Variants in RIN3 observed in about 807,000 individuals in gnomAD.
The protein encoded by RIN3 is Ras and Rab interactor 3.
In RIN3, 54 loss-of-function variants were observed where a neutral mutation model predicts 76.3. The ratio of observed to expected loss-of-function variants is 0.71; its 90% CI spans 0.57 to 0.89. The LOEUF (loss-of-function observed/expected upper bound fraction) is 0.89. RIN3 is among the 40% of genes least tolerant of loss of function. The probability of loss-of-function intolerance (pLI) is 0.00; values close to 1 mark genes in which losing one functional copy is unlikely to be tolerated. For synonymous variants in RIN3, 576 were observed against 564.0 expected (o/e 1.02, Z -0.30); for missense variants, 1,256 against 1,322.1 (o/e 0.95, Z 0.78).
At chr14:92,655,354 GAAAGAGAC>G (rs1887629642) in intron 6 of RIN3, among the ~76,000 whole-genome samples, 1 of 152,118 alleles carries the variant, frequency 6.6e-6, no homozygotes, top group Non-Finnish European at 1.5e-5. Context: ...TCTCAAGAAG[GAAAGAGAC>G]AGAGAGACAG....
intron 5 of RIN3, among the ~76,000 whole-genome samples, chr14:92,647,598 AC>A (rs1271424557): frequency 6.6e-6 from 1 of 152,192 alleles, no homozygotes; most frequent in East Asian, 1.9e-4. Context: ...TGAAAACTTG[AC>A]TTTGACTGAC....
chr14:92,622,452 A>C (rs979906350), intron 4 of RIN3, among the ~76,000 whole-genome samples: 1 of 152,224 alleles, frequency 6.6e-6, no homozygotes, highest in Non-Finnish European at 1.5e-5. Context: ...GTTAGAAACA[A>C]ATTTTCAGTG....
chr14:92,518,188 C>T (rs1430776968), intron 1 of RIN3, among the ~76,000 whole-genome samples: 1 of 152,222 alleles, frequency 6.6e-6, no homozygotes, highest in African/African-American at 2.4e-5. Flanking sequence ...GTTTGCCTAG[C>T]AATTTGAAAG....
chr14:92,561,473 T>A (rs980155390), intron 2 of RIN3, among the ~76,000 whole-genome samples: 28 of 150,674 alleles, frequency 1.9e-4, no homozygotes, highest in African/African-American at 6.1e-4. Flanking sequence ...GCCACCTTTA[T>A]TTATTCTGCA....
chr14:92,602,526 G>T (rs1465812989), intron 3 of RIN3, among the ~76,000 whole-genome samples: 2 of 152,192 alleles, frequency 1.3e-5, no homozygotes, highest in Non-Finnish European at 2.9e-5. Flanking sequence ...GCCTTCCTGA[G>T]CCTCAGTTTC....
At chr14:92,613,789 C>G (rs1361248448) in intron 3 of RIN3, among the ~76,000 whole-genome samples, 1 of 152,224 alleles carries the variant, frequency 6.6e-6, no homozygotes, top group East Asian at 1.9e-4. Context: ...CCTGCCTTCC[C>G]TCTCCATCAC....
intron 2 of RIN3, among the ~76,000 whole-genome samples, chr14:92,574,708 C>T (rs1335973229): frequency 6.6e-6 from 1 of 152,174 alleles, no homozygotes; most frequent in South Asian, 2.1e-4. Context: ...GCTCCTGCTT[C>T]TAATTCTCTC....
intron 7 of RIN3, among the ~76,000 whole-genome samples, chr14:92,674,205 G>A (rs964007297): frequency 3.3e-5 from 5 of 152,196 alleles, no homozygotes; most frequent in Non-Finnish European, 1.5e-5. Context: ...CACAGCTGGT[G>A]AGTAGTAGAG....
At chr14:92,544,420 G>A (rs1054084348) in intron 1 of RIN3, among the ~76,000 whole-genome samples, 6 of 134,812 alleles carry the variant, frequency 4.5e-5, no homozygotes, top group Non-Finnish European at 6.5e-5. Context: ...GCTGTGGGGG[G>A]GGGGGGGGGG....
intron 3 of RIN3, among the ~76,000 whole-genome samples, chr14:92,600,196 G>A (rs1885294425): frequency 6.6e-6 from 1 of 152,232 alleles, no homozygotes. Flanking sequence ...GGGCTGAGCT[G>A]AAGGATGCAG....
At chr14:92,534,354 C>T (rs980237752) in intron 1 of RIN3, among the ~76,000 whole-genome samples, 1 of 148,596 alleles carries the variant, frequency 6.7e-6, no homozygotes, top group Non-Finnish European at 1.5e-5. Context: ...CTGAGGTGGG[C>T]GGATCACTTG....
chr14:92,584,255 T>G (rs184370029), intron 3 of RIN3, among the ~76,000 whole-genome samples: 26 of 152,286 alleles, frequency 1.7e-4, no homozygotes, highest in Non-Finnish European at 2.8e-4. Context: ...CAACAACTTG[T>G]GTATATTGCA....
intron 4 of RIN3, among the ~76,000 whole-genome samples, chr14:92,632,683 G>A (rs759417719): frequency 6.6e-6 from 1 of 152,322 alleles, no homozygotes; most frequent in South Asian, 2.1e-4. Context: ...TGGCTGGGAG[G>A]ATGCCCTGTG....
intron 7 of RIN3, among the ~76,000 whole-genome samples, chr14:92,664,364 C>CTTTTTTTTTTT (rs373597134): frequency 3.6e-5 from 3 of 84,440 alleles, no homozygotes; most frequent in Non-Finnish European, 4.6e-5. Flanking sequence ...TTCTTTCTTT[C>CTTTTTTTTTTT]TTTTTTTTTT....
chr14:92,570,390 C>T lies in RIN3; in HGVS notation c.250-6970C>T, dbSNP rs141607063. On this transcript the variant is annotated intron_variant, in intron 2 of 9. Transcript: ENST00000216487. ...TAACTAATGACATTCAGGCCAGGCG[C>T]GGTGGCTCACGCCTGTAATCCCAGC... 1.4e-3 allele frequency among the ~76,000 whole-genome samples: 214 copies of T among 152,264 alleles called. 1 individual carries two copies. The highest frequency in any genetic ancestry group is 4.9e-3 in the African/African-American group (205 of 41,540).
intron 3 of RIN3, among the ~76,000 whole-genome samples, chr14:92,610,593 C>A (rs1236151746): frequency 3.9e-5 from 6 of 152,196 alleles, no homozygotes; most frequent in African/African-American, 1.2e-4. Context: ...TTGGGCAGTG[C>A]ACCCTGTGTG....
intron 7 of RIN3, among the ~76,000 whole-genome samples, chr14:92,674,348 A>G (rs867220948): frequency 4.6e-5 from 7 of 152,196 alleles, no homozygotes; most frequent in Non-Finnish European, 8.8e-5. Context: ...AAGCAGCCTC[A>G]TTGTTACAAG....
intron 2 of RIN3, among the ~76,000 whole-genome samples, chr14:92,571,573 C>T (rs944422475): frequency 6.6e-6 from 1 of 152,156 alleles, no homozygotes; most frequent in East Asian, 1.9e-4. Flanking sequence ...TTTCTGACAC[C>T]GGCTGGGTGT....
At chr14:92,609,496 T>G (rs563100315) in intron 3 of RIN3, among the ~76,000 whole-genome samples, 4 of 152,338 alleles carry the variant, frequency 2.6e-5, no homozygotes, top group African/African-American at 9.6e-5. Context: ...GAGAATGTAC[T>G]CAGCGTGACA....
Sources: gnomAD v4.1 joint callset for allele counts (sites outside exome capture counted in the v4.1 genomes callset) on GRCh38, gnomAD v4.1.1 for gene constraint, MANE v1.5 for transcripts, NCBI Gene and HGNC (gene_info 2026-07-23, HGNC 2026-07-21) for gene names.